LSS: variants seen among roughly 807,000 people sequenced by gnomAD.
The protein encoded by LSS is lanosterol synthase, also known as 2,3-epoxysqualene-lanosterol cyclase.
In LSS, 90 loss-of-function variants were observed where a neutral mutation model predicts 110.3. The ratio of observed to expected loss-of-function variants is 0.82; its 90% CI spans 0.69 to 0.97. LSS has a LOEUF of 0.97. LSS is among the 50% of genes least tolerant of loss of function. The pLI, the probability that LSS is intolerant of heterozygous loss-of-function variation, is 0.00. For missense variants in LSS, 927 were observed against 990.0 expected, an observed-to-expected ratio of 0.94 and a Z score of 0.85; for synonymous variants, 433 against 400.0, an observed-to-expected ratio of 1.08 and a Z score of -0.98.
At chr21:46,202,364 A>G (rs1477106454) in intron 17 of LSS, among the ~76,000 whole-genome samples, 5 of 145,322 alleles carry the variant, frequency 3.4e-5, no homozygotes, top group Admixed American at 1.4e-4. Flanking sequence ...ACTGCACTCC[A>G]GCCTGGGCGA....
intron 6 of LSS, among the ~76,000 whole-genome samples, chr21:46,218,424 G>C (rs2080234310): frequency 6.6e-6 from 1 of 152,074 alleles, no homozygotes; most frequent in African/African-American, 2.4e-5. Context: ...AGGAGTTTGA[G>C]ACCATCCTGG....
intron 3 of LSS, chr21:46,225,265 G>A: frequency 2.8e-6 from 1 of 354,228 alleles, no homozygotes; most frequent in East Asian, 7.8e-5. Context: ...GACATAGTGA[G>A]AAGTGACCAG....
intron 4 of LSS, 103 bp downstream of exon 4, chr21:46,222,527 A>G: frequency 1.0e-6 from 1 of 998,550 alleles, no homozygotes; most frequent in Non-Finnish European, 1.5e-6. Flanking sequence ...CACAGCTGCA[A>G]TCACTCCTAA....
intron 18 of LSS, 138 bp from the exon 19 acceptor site, chr21:46,195,894 G>A: frequency 1.4e-6 from 1 of 710,664 alleles, no homozygotes; most frequent in East Asian, 2.7e-5. Context: ...GGCCGTGGAA[G>A]ACAGCAGCTC....
Position 46,195,750 on chromosome 21 carries a change from C to T in LSS, c.1743G>A (p.Trp581Ter), listed in dbSNP as rs1188690383. ...AGGTGCCGTAGGTGAAGCAAACTCC[C>T]CAGGAGCTGGAGGGAAACAGGGAGA... Reference protein sequence around the residue: ...QRADGSWEGSWGVCFTYGTWF... With the variant: ...QRADGSWEGS The change falls in exon 19 of 22, where the codon TGG becomes TGA. Residue 581 changes from tryptophan (W) to a stop codon, truncating the protein, a stop_gained. Coordinates refer to ENST00000397728, the MANE Select transcript of LSS (RefSeq NM_002340.6). LOFTEE classifies it high-confidence loss of function. The T allele has an allele frequency of 3.7e-6, 6 of 1,613,758 alleles. No individual in the cohort carries two copies. Among genetic ancestry groups the T allele is most frequent in the Non-Finnish European group, 5.1e-6 (6 of 1,179,950 alleles).
At position 46,189,308 on chromosome 21, in the gene LSS, G is replaced by C. The variant is rs749808172; in HGVS notation, c.*1796C>G. ...CTCAGGGCAGACTCTGTGATTCACT[G>C]TCTGTCCTGCTGCTACCCCACGTGG... is the stretch of plus-strand genomic sequence containing the variant. On this transcript the variant is annotated 3_prime_UTR_variant, in exon 22 of 22. Coordinates refer to ENST00000397728, the MANE Select transcript of LSS (RefSeq NM_002340.6). 9 of 262,894 alleles carry C rather than the reference G, an allele frequency of 3.4e-5. No individual in the cohort carries two copies. Among genetic ancestry groups the C allele is most frequent in the African/African-American group, 4.6e-5 (2 of 43,808 alleles). The allele number at this position is 262,894 out of a possible 1,614,324, so 16.3% of individuals were successfully genotyped here. A position where few individuals can be genotyped will look rare whatever the true frequency, so the allele number is the denominator to read the frequency against.
intron 14 of LSS, among the ~76,000 whole-genome samples, chr21:46,208,040 G>A (rs1005162815): frequency 2.0e-5 from 3 of 152,256 alleles, no homozygotes; most frequent in Non-Finnish European, 4.4e-5. Flanking sequence ...GCACGGCTGT[G>A]TGTGCAAGCC....
At chr21:46,194,838 G>C (rs2079885771) in intron 19 of LSS, among the ~76,000 whole-genome samples, 177 bp from the exon 20 acceptor site, 1 of 152,256 alleles carries the variant, frequency 6.6e-6, no homozygotes, top group Non-Finnish European at 1.5e-5. Flanking sequence ...ATGTGAACTG[G>C]GAACAGATAC....
At position 46,191,852 on chromosome 21, in the gene LSS, C is replaced by T. The variant is rs1176018034; in HGVS notation, c.2067+29G>A. On this transcript the variant is annotated intron_variant, in intron 21 of 21. Coordinates refer to ENST00000397728, the MANE Select transcript of LSS (RefSeq NM_002340.6). ...TGCACGCTGGAGGTCAGTGCTGGGC[C>T]TTGTGCGCTCAGGTCCCTGGCGGCA... 2.5e-6 allele frequency: 4 copies of T among 1,598,846 alleles called. No individual in the cohort carries two copies. In the African/African-American group the frequency reaches 5.4e-5, roughly 21 times the overall value.
rs1362385799 is a variant in LSS at position 46,206,745 on chromosome 21, A to C, written c.1491T>G (p.Asp497Glu). Reference protein sequence around the residue: ...VAVLLNMRNPDGGFATYETKR... With the variant: ...VAVLLNMRNPEGGFATYETKR... ...TGGTCTCATAGGTGGCGAACCCTCC[A>C]TCTGGATTTCTCATGTTCAGCAGCT... Residue 497 changes from aspartate to glutamate, a missense_variant, in exon 16 of 22, where the codon GAT (aspartate) becomes GAG (glutamate). Coordinates refer to ENST00000397728, the MANE Select transcript of LSS (RefSeq NM_002340.6). 2.5e-6 allele frequency: 4 copies of C among 1,612,382 alleles called. No homozygotes were observed. In the South Asian group the frequency reaches 4.4e-5, roughly 18 times the overall value.
At position 46,194,539 on chromosome 21, in the gene LSS, G is replaced by A; in HGVS notation, c.1940C>T (p.Ser647Phe). 6.2e-7 allele frequency: 1 copy of A among 1,613,886 alleles called. No homozygotes were observed. The change falls in exon 20 of 22, where the codon TCC becomes TTC. Residue 647 changes from serine (S) to phenylalanine (F), a missense_variant. By Grantham distance (155) the Ser-to-Phe change is radical (BLOSUM62 -2). Coordinates refer to ENST00000397728, the MANE Select transcript of LSS (RefSeq NM_002340.6). The stretch of plus-strand genomic sequence containing the variant: ...GGCCCAGCATGTGTTATGGATCTGG[G>A]ACTGGGCACTCTGCAAATAACGCCG... The part of the protein sequence containing the change: ...EERRYLQSAQ[S>F]QIHNTCWAMM...
intron 15 of LSS, among the ~76,000 whole-genome samples, chr21:46,207,067 C>A (rs2080059330): frequency 1.3e-5 from 2 of 152,226 alleles, no homozygotes; most frequent in African/African-American, 4.8e-5. Flanking sequence ...GGGAAACACA[C>A]ACAAAAGCCA....
At chr21:46,219,598 G>C (rs778679179) in intron 5 of LSS, 26 bp from the exon 6 acceptor site, 2 of 1,435,852 alleles carry the variant, frequency 1.4e-6, no homozygotes, top group African/African-American at 1.4e-5. Flanking sequence ...ATAGGCCCAC[G>C]TCATCTGCTT....
intron 17 of LSS, among the ~76,000 whole-genome samples, chr21:46,197,946 C>T (rs2079930777): frequency 6.6e-6 from 1 of 151,574 alleles, no homozygotes. Context: ...AAATATAGAC[C>T]AATACTAAGG....
chr21:46,194,727 C>T (rs2079883461), intron 19 of LSS, 66 bp from the exon 20 acceptor site: 5 of 1,519,830 alleles, frequency 3.3e-6, no homozygotes, highest in Non-Finnish European at 4.4e-6. Context: ...GGCTTCTCAC[C>T]CCAGCAGGCT....
chr21:46,215,889 C>A, intron 7 of LSS, 96 bp from the exon 8 acceptor site: 1 of 785,662 alleles, frequency 1.3e-6, no homozygotes, highest in Non-Finnish European at 2.0e-6. Flanking sequence ...GCCCTCAGGG[C>A]CCTGGGCCAG....
intron 17 of LSS, among the ~76,000 whole-genome samples, chr21:46,202,191 G>A (rs1374631945): frequency 2.1e-5 from 3 of 140,638 alleles, no homozygotes; most frequent in African/African-American, 5.1e-5. Flanking sequence ...TCAGGAGATC[G>A]AGACCATCCT....
At chr21:46,193,676 G>A (rs1161145601) in intron 20 of LSS, 1 of 451,748 alleles carries the variant, frequency 2.2e-6, no homozygotes, top group Non-Finnish European at 4.4e-6. Context: ...TGGCACAGAT[G>A]GGATGCTGTG....
chr21:46,217,265 A>T (rs1462406650), intron 6 of LSS, among the ~76,000 whole-genome samples: 1 of 144,808 alleles, frequency 6.9e-6, no homozygotes, highest in Non-Finnish European at 1.5e-5. Context: ...AAAGAAAAGA[A>T]AAAGAAAGAA....
Sources: gnomAD v4.1 joint callset for allele counts (sites outside exome capture counted in the v4.1 genomes callset) on GRCh38, gnomAD v4.1.1 for gene constraint, MANE v1.5 for transcripts, NCBI Gene and HGNC (gene_info 2026-07-23, HGNC 2026-07-21) for gene names.